Variants in PCSK5 observed in about 807,000 individuals in gnomAD.
PCSK5 encodes prohormone convertase 5.
In PCSK5, 129 loss-of-function variants were observed where a neutral mutation model predicts 233.2. That is an observed-to-expected ratio of 0.55 (90% CI 0.48 to 0.64). The LOEUF (loss-of-function observed/expected upper bound fraction) is 0.64, where lower values mean the gene tolerates loss of function less well. Among genes scored for constraint, PCSK5 ranks in the 30% least tolerant of loss-of-function variants. The pLI is 0.00. For synonymous variants in PCSK5, 825 were observed against 879.2 expected (o/e 0.94, Z 1.09); for missense variants, 2,076 against 2,430.1 (o/e 0.85, Z 3.06).
chr9:76,220,377 A>C lies in PCSK5; in HGVS notation c.2627-7126A>C, dbSNP rs550446114. On this transcript the variant is annotated intron_variant, in intron 20 of 37. Transcript: ENST00000674117. The stretch of plus-strand genomic sequence containing the variant: ...CCCTGTCTCTACTAAAAATACAAAA[A>C]TCAGCTGGGCGTGGTGGTGGGCGCC... Among the ~76,000 whole-genome samples the C allele has an allele frequency of 1.4e-3, 207 of 152,044 alleles. 1 individual carries two copies. The highest frequency in any genetic ancestry group is 2.4e-3 in the Non-Finnish European group (166 of 67,972).
Position 76,296,670 on chromosome 9 carries a change from A to T in PCSK5, c.3328A>T (p.Ser1110Cys), listed in dbSNP as rs1179268691. The T allele has an allele frequency of 6.2e-7, 1 of 1,606,710 alleles. No individual in the cohort carries two copies. The highest frequency in any genetic ancestry group is 1.7e-5 in the Admixed American group (1 of 59,990). Residue 1110 changes from serine (S) to cysteine (C), a missense_variant, in exon 27 of 38, where the codon AGT becomes TGT. By Grantham distance (112) the Ser-to-Cys change is moderately radical. Transcript: ENST00000674117. ...CTCTCTGTGTTCTCACATAGGTGGC[A>T]GTTGTGTGAGGAAATGTGGTCCTGG... ...CEEGFFLLGGSCVRKCGPGFY... is the reference protein window; with the variant it reads ...CEEGFFLLGGCCVRKCGPGFY...
intron 3 of PCSK5, among the ~76,000 whole-genome samples, chr9:76,001,580 A>G (rs1181190969): frequency 6.6e-6 from 1 of 150,802 alleles, no homozygotes; most frequent in Non-Finnish European, 1.5e-5. Context: ...TGCACAGGCA[A>G]TAGTAAGTGG....
intron 5 of PCSK5, among the ~76,000 whole-genome samples, chr9:76,036,918 T>G (rs1828882589): frequency 6.6e-6 from 1 of 152,224 alleles, no homozygotes; most frequent in Non-Finnish European, 1.5e-5. Context: ...AGCATTGTGT[T>G]CAGTAAACAC....
intron 24 of PCSK5, among the ~76,000 whole-genome samples, chr9:76,278,460 A>G (rs773672094): frequency 6.6e-6 from 1 of 152,112 alleles, no homozygotes; most frequent in African/African-American, 2.4e-5. Flanking sequence ...CCCTCATGGG[A>G]GATCTGTGGG....
At chr9:76,078,053 A>T (rs1830700198) in intron 7 of PCSK5, among the ~76,000 whole-genome samples, 1 of 151,942 alleles carries the variant, frequency 6.6e-6, no homozygotes, top group Non-Finnish European at 1.5e-5. Flanking sequence ...GATGTGGAAA[A>T]TTTTTTCATA....
At chr9:75,935,316 C>T (rs1824002487) in intron 2 of PCSK5, among the ~76,000 whole-genome samples, 1 of 152,186 alleles carries the variant, frequency 6.6e-6, no homozygotes, top group Non-Finnish European at 1.5e-5. Flanking sequence ...ATCCACCCTC[C>T]TCGGCCTCCC....
intron 2 of PCSK5, among the ~76,000 whole-genome samples, chr9:75,937,438 C>T (rs7046703): frequency 0.26 from 39,871 of 152,050 alleles, 5,479 homozygotes; most frequent in East Asian, 0.46. Flanking sequence ...CTTGGCCTCC[C>T]AAAGTGCTGG....
intron 15 of PCSK5, among the ~76,000 whole-genome samples, chr9:76,180,874 C>T (rs1281711959): frequency 1.3e-5 from 2 of 148,590 alleles, no homozygotes; most frequent in African/African-American, 2.5e-5. Context: ...TCTGTGCTTC[C>T]ATTATGGGCA....
chr9:76,247,787 T>C (rs890680449), intron 24 of PCSK5, among the ~76,000 whole-genome samples: 3 of 134,604 alleles, frequency 2.2e-5, no homozygotes, highest in Non-Finnish European at 4.9e-5. Context: ...TTTTATTTTT[T>C]AATCTTTTTT....
At chr9:76,245,057 T>C (rs542180528) in intron 24 of PCSK5, among the ~76,000 whole-genome samples, 32 of 152,162 alleles carry the variant, frequency 2.1e-4, no homozygotes, top group Non-Finnish European at 1.5e-4. Context: ...TTGAGGCACA[T>C]TTTTTGTTTG....
At chr9:75,955,565 C>T (rs536782183) in intron 2 of PCSK5, among the ~76,000 whole-genome samples, 10 of 152,098 alleles carry the variant, frequency 6.6e-5, no homozygotes, top group African/African-American at 1.7e-4. Context: ...AAAATTACCA[C>T]GATAAATACT....
chr9:76,201,881 T>G (rs73650477), intron 20 of PCSK5, among the ~76,000 whole-genome samples: 358 of 152,284 alleles, frequency 2.4e-3, no homozygotes, highest in African/African-American at 8.2e-3. Flanking sequence ...ATGGAGTTAT[T>G]GGGAACATTA....
intron 3 of PCSK5, among the ~76,000 whole-genome samples, chr9:75,991,800 T>G (rs1425870310): frequency 6.6e-6 from 1 of 152,200 alleles, no homozygotes; most frequent in African/African-American, 2.4e-5. Context: ...GAAGTAAGAC[T>G]CTTCCTTAAG....
chr9:76,267,950 TACACACACACAC>T (rs10539241), intron 24 of PCSK5, among the ~76,000 whole-genome samples: 40 of 149,420 alleles, frequency 2.7e-4, no homozygotes, highest in East Asian at 8.0e-4. Flanking sequence ...CTTATGGGTA[TACACACACACAC>T]ACACACACAC....
At chr9:76,353,211 C>T (rs1830211564) in intron 36 of PCSK5, among the ~76,000 whole-genome samples, 1 of 152,190 alleles carries the variant, frequency 6.6e-6, no homozygotes, top group African/African-American at 2.4e-5. Flanking sequence ...TACCATACTT[C>T]CAAAGTTACA....
chr9:76,059,733 T>C (rs1213754389), intron 5 of PCSK5, among the ~76,000 whole-genome samples: 1 of 152,154 alleles, frequency 6.6e-6, no homozygotes. Flanking sequence ...TTAGACTTTA[T>C]AACAACAGGT....
chr9:76,001,209 C>T (rs982335522), intron 3 of PCSK5, among the ~76,000 whole-genome samples: 83 of 152,118 alleles, frequency 5.5e-4, no homozygotes, highest in Non-Finnish European at 1.8e-4. Flanking sequence ...CTTAGAATGA[C>T]AGAACTACCA....
chr9:76,264,586 T>C (rs1336923325), intron 24 of PCSK5, among the ~76,000 whole-genome samples: 1 of 151,808 alleles, frequency 6.6e-6, no homozygotes, highest in Non-Finnish European at 1.5e-5. Flanking sequence ...TAAAAAACCT[T>C]AAAAAATGAG....
At chr9:76,330,700 C>T (rs1366876682) in intron 33 of PCSK5, among the ~76,000 whole-genome samples, 2 of 152,030 alleles carry the variant, frequency 1.3e-5, no homozygotes, top group Non-Finnish European at 2.9e-5. Context: ...GGACACCATC[C>T]CCCTGCTAAG....
Sources: gnomAD v4.1 joint callset for allele counts (sites outside exome capture counted in the v4.1 genomes callset) on GRCh38, gnomAD v4.1.1 for gene constraint, MANE v1.5 for transcripts, NCBI Gene and HGNC (gene_info 2026-07-23, HGNC 2026-07-21) for gene names.